The following FAF1 variants were observed in gnomAD, a reference collection of about 807,000 sequenced individuals.
FAF1 encodes Fas associated factor 1.
FAF1 carries 25 observed loss-of-function variants against 92.5 expected under a neutral mutation model. The observed-to-expected ratio is 0.27, with a 90% CI of 0.20 to 0.38. The LOEUF is 0.38. FAF1 is among the 10% of genes least tolerant of loss of function. The pLI, the probability that FAF1 is intolerant of heterozygous loss-of-function variation, is 1.00. For missense variants in FAF1, 636 were observed against 793.3 expected, an observed-to-expected ratio of 0.80 and a Z score of 2.38; for synonymous variants, 234 against 273.2, an observed-to-expected ratio of 0.86 and a Z score of 1.42.
chr1:50,779,991 G>GACAGACACACACACACACACACACAC (rs369288416), intron 4 of FAF1, among the ~76,000 whole-genome samples: 122 of 145,524 alleles, frequency 8.4e-4, no homozygotes, highest in Non-Finnish European at 1.3e-3. Context: ...CAGACAGACA[G>GACAGACACACACACACACACACACAC]ACACACACAC....
intron 1 of FAF1, among the ~76,000 whole-genome samples, chr1:50,928,441 A>G (rs1386486925): frequency 6.6e-6 from 1 of 152,204 alleles, no homozygotes; most frequent in East Asian, 1.9e-4. Context: ...TTAATTCTTT[A>G]GAATAAAAAT....
chr1:50,803,197 A>G (rs1275206392), intron 2 of FAF1, among the ~76,000 whole-genome samples: 1 of 152,198 alleles, frequency 6.6e-6, no homozygotes, highest in Non-Finnish European at 1.5e-5. Flanking sequence ...TTCCATGTAC[A>G]TGTATCTCCT....
intron 18 of FAF1, among the ~76,000 whole-genome samples, chr1:50,461,792 CATTGT>C (rs1287724922): frequency 6.7e-6 from 1 of 149,808 alleles, no homozygotes; most frequent in Non-Finnish European, 1.5e-5. Context: ...ATGTAAGGCA[CATTGT>C]TTGATATCTT....
chr1:50,479,459 G>A (rs1646675671), intron 17 of FAF1, among the ~76,000 whole-genome samples: 1 of 152,220 alleles, frequency 6.6e-6, no homozygotes, highest in African/African-American at 2.4e-5. Flanking sequence ...CAAGTGCTGA[G>A]CATTGATCCT....
At chr1:50,484,944 G>A (rs1265397558) in intron 17 of FAF1, among the ~76,000 whole-genome samples, 5 of 141,038 alleles carry the variant, frequency 3.5e-5, no homozygotes, top group Non-Finnish European at 7.6e-5. Context: ...ATCACACACC[G>A]GGGCCTGTCG....
At chr1:50,713,812 C>T (rs1466658842) in intron 6 of FAF1, among the ~76,000 whole-genome samples, 1 of 134,660 alleles carries the variant, frequency 7.4e-6, no homozygotes, top group Non-Finnish European at 1.5e-5. Context: ...CTTGCTCTGT[C>T]ACCCAGGCTA....
At chr1:50,560,426 G>A (rs544462483) in intron 13 of FAF1, among the ~76,000 whole-genome samples, 1 of 152,342 alleles carries the variant, frequency 6.6e-6, no homozygotes, top group African/African-American at 2.4e-5. Flanking sequence ...GACAGGCACA[G>A]AATTCTGTCT....
chr1:50,870,543 G>A (rs1265727652), intron 1 of FAF1, among the ~76,000 whole-genome samples: 3 of 152,186 alleles, frequency 2.0e-5, no homozygotes, highest in Non-Finnish European at 4.4e-5. Flanking sequence ...AATAGTACAC[G>A]CTAATTGCAT....
intron 6 of FAF1, among the ~76,000 whole-genome samples, chr1:50,724,652 C>T (rs1236924475): frequency 6.6e-6 from 1 of 152,100 alleles, no homozygotes; most frequent in Non-Finnish European, 1.5e-5. Flanking sequence ...TGTAGCTTTC[C>T]CACTCCCCCT....
intron 6 of FAF1, among the ~76,000 whole-genome samples, chr1:50,732,690 T>C (rs1482817034): frequency 6.6e-6 from 1 of 152,200 alleles, no homozygotes; most frequent in East Asian, 1.9e-4. Flanking sequence ...TGAGAGTTTC[T>C]GTCTTTAATA....
chr1:50,702,102 G>C (rs1397306551), intron 7 of FAF1, among the ~76,000 whole-genome samples: 1 of 152,028 alleles, frequency 6.6e-6, no homozygotes, highest in Non-Finnish European at 1.5e-5. Context: ...CCTAACAGAA[G>C]CTTCTGCAGT....
chr1:50,688,833 T>A (rs1038149555), intron 7 of FAF1, among the ~76,000 whole-genome samples: 29 of 151,656 alleles, frequency 1.9e-4, no homozygotes, highest in Non-Finnish European at 4.1e-4. Context: ...AAAATAAAAA[T>A]AAAAAATAAA....
At chr1:50,718,472 C>G (rs576096808) in intron 6 of FAF1, among the ~76,000 whole-genome samples, 3 of 152,126 alleles carry the variant, frequency 2.0e-5, no homozygotes, top group Admixed American at 6.5e-5. Flanking sequence ...GCAGTTAAGA[C>G]GAATATAAAG....
intron 7 of FAF1, among the ~76,000 whole-genome samples, chr1:50,672,759 CAGAAAT>C (rs1186952519): frequency 6.6e-6 from 1 of 152,152 alleles, no homozygotes; most frequent in Non-Finnish European, 1.5e-5. Context: ...CTATAAAAGG[CAGAAAT>C]ACTGCAGTTA....
chr1:50,856,970 C>G (rs1475854012), intron 2 of FAF1, among the ~76,000 whole-genome samples: 1 of 151,570 alleles, frequency 6.6e-6, no homozygotes, highest in African/African-American at 2.4e-5. Context: ...AATTTAATCA[C>G]ATAATTATAG....
At chr1:50,928,365 G>C (rs1645022204) in intron 1 of FAF1, among the ~76,000 whole-genome samples, 1 of 152,158 alleles carries the variant, frequency 6.6e-6, no homozygotes, top group South Asian at 2.1e-4. Context: ...CTATACCTTT[G>C]TTTAAAAGAT....
intron 2 of FAF1, among the ~76,000 whole-genome samples, chr1:50,823,255 G>A (rs1644062722): frequency 6.6e-6 from 1 of 152,106 alleles, no homozygotes; most frequent in African/African-American, 2.4e-5. Context: ...ACATTTTGAG[G>A]TTGTTGTACA....
intron 4 of FAF1, among the ~76,000 whole-genome samples, chr1:50,767,481 T>C (rs566941399): frequency 1.4e-4 from 21 of 152,196 alleles, no homozygotes; most frequent in Admixed American, 3.9e-4. Context: ...TGAGATACTA[T>C]ATAAGACAAC....
At chr1:50,774,998 C>T (rs1458659411) in intron 4 of FAF1, among the ~76,000 whole-genome samples, 3 of 152,134 alleles carry the variant, frequency 2.0e-5, no homozygotes, top group East Asian at 1.9e-4. Flanking sequence ...CCTTTGGGCT[C>T]GCTTTCAAAC....
Sources: gnomAD v4.1 joint callset for allele counts (sites outside exome capture counted in the v4.1 genomes callset) on GRCh38, gnomAD v4.1.1 for gene constraint, MANE v1.5 for transcripts, NCBI Gene and HGNC (gene_info 2026-07-23, HGNC 2026-07-21) for gene names.